The following SCARB2 variants were observed in gnomAD, a reference collection of about 807,000 sequenced individuals.
The protein encoded by SCARB2 is scavenger receptor class B member 2, also known as lysosome membrane protein 2.
Under a neutral mutation model 58.6 loss-of-function variants are expected in SCARB2, and 29 were observed. The observed-to-expected ratio is 0.49, with a 90% confidence interval of 0.37 to 0.67. The LOEUF is 0.67. SCARB2 is among the 30% of genes least tolerant of loss of function. SCARB2 has a pLI of 0.00. For missense variants in SCARB2, 488 were observed against 578.5 expected, an observed-to-expected ratio of 0.84 and a Z score of 1.60; for synonymous variants, 195 against 210.1, an observed-to-expected ratio of 0.93 and a Z score of 0.62.
chr4:76,175,708 T>C, intron 6 of SCARB2, 83 bp downstream of exon 6: 2 of 1,496,730 alleles, frequency 1.3e-6, no homozygotes, highest in South Asian at 2.3e-5. Flanking sequence ...AATAAGTGTG[T>C]CTGCATATAT....
intron 1 of SCARB2, among the ~76,000 whole-genome samples, chr4:76,211,382 C>T (rs1733043171): frequency 6.6e-6 from 1 of 152,188 alleles, no homozygotes; most frequent in Admixed American, 6.5e-5. Context: ...AGTCATAAAG[C>T]TTATACTGGC....
intron 2 of SCARB2, among the ~76,000 whole-genome samples, chr4:76,191,533 T>C (rs116196552): frequency 0.023 from 3,491 of 152,140 alleles, 120 homozygotes; most frequent in African/African-American, 0.08. Flanking sequence ...GCTCTGGCCA[T>C]GTGACATGCC....
intron 10 of SCARB2, 151 bp downstream of exon 10, chr4:76,166,099 G>A (rs1338938631): frequency 1.2e-6 from 1 of 813,316 alleles, no homozygotes; most frequent in Non-Finnish European, 2.2e-6. Context: ...AGATTCATGT[G>A]AACATTTAAG....
chr4:76,177,691 T>C (rs548403377), intron 4 of SCARB2, among the ~76,000 whole-genome samples: 16 of 152,298 alleles, frequency 1.1e-4, no homozygotes, highest in African/African-American at 3.6e-4. Context: ...TATTCCTCAG[T>C]TATAAAAAGG....
rs911858473 is a variant in SCARB2 at position 76,173,910 on chromosome 4, T to C, written c.994+234A>G. The C allele has an allele frequency of 5.5e-6, 3 of 545,826 alleles. No individual in the cohort carries two copies. The East Asian group carries it at 9.3e-5, about 17-fold the overall frequency. 33.8% of individuals were successfully genotyped at this position (545,826 alleles called of 1,614,324 possible). A position where few individuals can be genotyped will look rare whatever the true frequency, so the allele number is the denominator to read the frequency against. ...TTCTTGAAAGAAACTGATCTTTCTA[T>C]TGGGCTGACAATATATTCTTTTTTG... On this transcript the variant is annotated intron_variant, in intron 7 of 11. Coordinates refer to ENST00000264896, the MANE Select transcript of SCARB2 (RefSeq NM_005506.4).
chr4:76,195,802 C>G lies in SCARB2; in HGVS notation c.180G>C (p.Val60=). The change falls in exon 2 of 12, where the codon GTG becomes GTC. Residue 60 remains valine, a synonymous_variant. Coordinates refer to ENST00000264896, the MANE Select transcript of SCARB2 (RefSeq NM_005506.4). ...CATTGAAGAAATAGAACTGAGTATA[C>G]ACAGGCAGAGGGGGCTTCTCCCAGG... ...FDSWEKPPLP[V]YTQFYFFNVT... 1.9e-6 allele frequency: 3 copies of G among 1,613,792 alleles called. No homozygotes were observed. The highest frequency in any genetic ancestry group is 2.2e-5 in the South Asian group (2 of 91,078).
chr4:76,221,382 A>C (rs534303790), intron 1 of SCARB2, among the ~76,000 whole-genome samples: 14 of 152,238 alleles, frequency 9.2e-5, no homozygotes, highest in Middle Eastern at 3.4e-3. Flanking sequence ...GCAGTGGTGC[A>C]ATCTCAGCTC....
At chr4:76,208,337 G>C (rs1159160360) in intron 1 of SCARB2, among the ~76,000 whole-genome samples, 1 of 152,192 alleles carries the variant, frequency 6.6e-6, no homozygotes. Context: ...CTAAAAGCCA[G>C]GAAAGAATTT....
intron 1 of SCARB2, among the ~76,000 whole-genome samples, chr4:76,205,769 A>G (rs1314866680): frequency 6.6e-6 from 1 of 152,186 alleles, no homozygotes; most frequent in African/African-American, 2.4e-5. Context: ...TTCTACAGAG[A>G]AACATGCCCT....
rs760926366 is a variant in SCARB2 at position 76,161,182 on chromosome 4, A to C, written c.*531T>G. On this transcript the variant is annotated 3_prime_UTR_variant, in exon 12 of 12. Transcript: ENST00000264896. ...GAACTGAAGATCAGCATAAAATGTAATATGTTTTAGAAATCAGATGCATTT... is the reference window on the plus strand; with the variant it reads ...GAACTGAAGATCAGCATAAAATGTACTATGTTTTAGAAATCAGATGCATTT... 1 of 160,936 alleles carries C rather than the reference A, an allele frequency of 6.2e-6. No homozygotes were observed. 10.0% of individuals were successfully genotyped at this position (160,936 alleles called of 1,614,324 possible). A position where few individuals can be genotyped will look rare whatever the true frequency, so the allele number is the denominator to read the frequency against.
At chr4:76,163,480 G>T in intron 10 of SCARB2, 97 bp from the exon 11 acceptor site, 2 of 1,363,942 alleles carry the variant, frequency 1.5e-6, no homozygotes, top group Non-Finnish European at 1.0e-6. Flanking sequence ...ATTTGGGAAT[G>T]TCCTCCTGTT....
intron 7 of SCARB2, chr4:76,172,946 G>A (rs1261048010): frequency 6.6e-6 from 1 of 152,202 alleles, no homozygotes; most frequent in Admixed American, 6.5e-5. Flanking sequence ...GGGAATCACA[G>A]GGCAAATATG....
At chr4:76,219,483 T>C (rs1733270175) in intron 1 of SCARB2, among the ~76,000 whole-genome samples, 1 of 152,260 alleles carries the variant, frequency 6.6e-6, no homozygotes, top group African/African-American at 2.4e-5. Flanking sequence ...CAAGGCTGTC[T>C]GATTTCCTGC....
intron 1 of SCARB2, among the ~76,000 whole-genome samples, chr4:76,209,526 G>A (rs1202518508): frequency 2.0e-5 from 3 of 152,044 alleles, no homozygotes; most frequent in African/African-American, 7.2e-5. Flanking sequence ...CTGCCACCAT[G>A]CCTAGCTAAT....
upstream of SCARB2, among the ~76,000 whole-genome samples, chr4:76,216,346 G>T (rs568709257): frequency 6.6e-6 from 1 of 152,112 alleles, no homozygotes; most frequent in Non-Finnish European, 1.5e-5. Context: ...TGCCTGCCTA[G>T]GTACTTTGGC....
chr4:76,218,444 G>A (rs1313416160), upstream of SCARB2, among the ~76,000 whole-genome samples: 1 of 152,176 alleles, frequency 6.6e-6, no homozygotes, highest in Non-Finnish European at 1.5e-5. Context: ...TATATCACAT[G>A]CACCTGTGCC....
chr4:76,213,504 G>A lies in SCARB2; in HGVS notation c.40C>T (p.Leu14=). ...CCFYTAGTLS[L]LLLVTSVTLL... ...GTGACGCTGGTCACCAGCAGGAGCA[G>A]GGACAACGTCCCCGCCGTGTAGAAG... Residue 14 remains leucine (L), a synonymous_variant, in exon 1 of 12, where the codon CTG becomes TTG. Transcript: ENST00000264896. 6.2e-7 allele frequency: 1 copy of A among 1,611,094 alleles called. No homozygotes were observed. Among genetic ancestry groups the A allele is most frequent in the Non-Finnish European group, 8.5e-7 (1 of 1,178,892 alleles).
At chr4:76,162,943 G>A (rs1449001558) in intron 11 of SCARB2, 8 of 594,400 alleles carry the variant, frequency 1.3e-5, no homozygotes, top group Non-Finnish European at 2.4e-5. Context: ...TTTCTTTCAG[G>A]TTATTGTTTT....
chr4:76,214,232 A>G (rs562568849), upstream of SCARB2: 29 of 454,730 alleles, frequency 6.4e-5, no homozygotes, highest in Non-Finnish European at 1.1e-4. Context: ...CCGCAATTAC[A>G]ACACAATGTA....
Sources: gnomAD v4.1 joint callset for allele counts (sites outside exome capture counted in the v4.1 genomes callset) on GRCh38, gnomAD v4.1.1 for gene constraint, MANE v1.5 for transcripts, NCBI Gene and HGNC (gene_info 2026-07-23, HGNC 2026-07-21) for gene names.